Variants in TNC observed in about 807,000 individuals in gnomAD.
TNC encodes the protein tenascin.
A neutral mutation model predicts 202.4 loss-of-function variants in TNC; 109 were observed. The observed-to-expected ratio is 0.54, with a 90% CI of 0.46 to 0.63. The LOEUF (loss-of-function observed/expected upper bound fraction) is 0.63. Among genes scored for constraint, TNC ranks in the 30% least tolerant of loss-of-function variants. The pLI is 0.00. For synonymous variants in TNC, 1,007 were observed against 1,089.7 expected (o/e 0.92, Z 1.50); for missense variants, 2,756 against 2,833.3 (o/e 0.97, Z 0.62).
At chr9:115,036,895 C>A (rs1194671257) in intron 20 of TNC, among the ~76,000 whole-genome samples, 2 of 152,164 alleles carry the variant, frequency 1.3e-5, no homozygotes, top group Admixed American at 6.5e-5. Flanking sequence ...AAAACTGAGA[C>A]AGTACCAGGC....
chr9:115,062,633 CTATA>C (rs963514714), intron 13 of TNC, among the ~76,000 whole-genome samples: 1 of 149,226 alleles, frequency 6.7e-6, no homozygotes, highest in African/African-American at 2.5e-5. Flanking sequence ...AAGTATATAT[CTATA>C]TATACACACA....
chr9:115,071,340 T>G (rs750632765), intron 10 of TNC, among the ~76,000 whole-genome samples: 1 of 152,248 alleles, frequency 6.6e-6, no homozygotes, highest in Non-Finnish European at 1.5e-5. Context: ...CACTGAAGAA[T>G]GTCTTTAAAT....
chr9:115,090,411 A>G, intron 2 of TNC, 151 bp downstream of exon 2: 1 of 612,344 alleles, frequency 1.6e-6, no homozygotes, highest in Non-Finnish European at 2.8e-6. Context: ...CAGTCTCCAC[A>G]CTTATTTGAA....
At chr9:115,034,553 AGAT>A (rs1399537037) in intron 22 of TNC, among the ~76,000 whole-genome samples, 5 of 152,348 alleles carry the variant, frequency 3.3e-5, no homozygotes, top group Non-Finnish European at 5.9e-5. Flanking sequence ...AGAGATAAAG[AGAT>A]GATGATATAG....
chr9:115,077,926 A>AG lies in TNC; in HGVS notation c.2674+16dup, dbSNP rs768841167. The AG allele has an allele frequency of 1.6e-5, 25 of 1,610,076 alleles. No individual in the cohort carries two copies. In the South Asian group the frequency reaches 2.8e-4, roughly 18 times the overall value. On this transcript the variant is annotated intron_variant, in intron 7 of 27. Coordinates refer to ENST00000350763, the MANE Select transcript of TNC (RefSeq NM_002160.4). ...TCTTTCCTTTACTATATCTGTTAACAGGGGGAGGCCTTTTACCTGTTGTGA... is the reference window on the plus strand; with the variant it reads ...TCTTTCCTTTACTATATCTGTTAACAGGGGGGAGGCCTTTTACCTGTTGTGA...
chr9:115,038,416 T>C (rs1379805824), intron 19 of TNC, 36 bp from the exon 20 acceptor site: 3 of 1,609,940 alleles, frequency 1.9e-6, no homozygotes, highest in African/African-American at 2.7e-5. Flanking sequence ...GGGAAGTCAT[T>C]GGGTGGGACA....
intron 2 of TNC, among the ~76,000 whole-genome samples, chr9:115,087,525 GGGGTGT>G (rs1387023943): frequency 2.3e-5 from 2 of 88,568 alleles, no homozygotes; most frequent in Non-Finnish European, 2.3e-5. Context: ...ATTATGCATA[GGGGTGT>G]GTGTGTGTGT....
chr9:115,023,866 G>C, intron 27 of TNC, 107 bp downstream of exon 27: 1 of 1,301,704 alleles, frequency 7.7e-7, no homozygotes, highest in Non-Finnish European at 1.1e-6. Flanking sequence ...TACAAGTAAG[G>C]TTCCTGCCTC....
intron 7 of TNC, 141 bp from the exon 8 acceptor site, chr9:115,076,716 A>G: frequency 1.1e-6 from 1 of 940,642 alleles, no homozygotes; most frequent in Non-Finnish European, 1.6e-6. Flanking sequence ...CTGTCCCCAT[A>G]GTGGATGTGC....
intron 10 of TNC, among the ~76,000 whole-genome samples, chr9:115,071,059 T>C (rs1833430321): frequency 6.6e-6 from 1 of 152,236 alleles, no homozygotes. Flanking sequence ...TCTCAGTGTC[T>C]GTTTGTTCGC....
At position 115,048,461 on chromosome 9, in the gene TNC, C is replaced by T; in HGVS notation, c.4651G>A (p.Ala1551Thr). ...AAGCTGTCAAAGGCATTCTCCGATGCCATCCAGGAAACTGTGAACCCGTAG... is the reference window on the plus strand; with the variant it reads ...AAGCTGTCAAAGGCATTCTCCGATGTCATCCAGGAAACTGTGAACCCGTAG... Reference protein sequence around the residue: ...NPYGFTVSWMASENAFDSFLV... With the variant: ...NPYGFTVSWMTSENAFDSFLV... The change falls in exon 16 of 28, where the codon GCA becomes ACA. Residue 1551 changes from alanine to threonine, a missense_variant. By Grantham distance (58) the Ala-to-Thr change is moderately conservative (BLOSUM62 0). Transcript: ENST00000350763. 1 of 1,613,986 alleles carries T rather than the reference C, an allele frequency of 6.2e-7. No individual in the cohort carries two copies. The highest frequency in any genetic ancestry group is 8.5e-7 in the Non-Finnish European group (1 of 1,179,944).
At chr9:115,065,766 G>A (rs1440420310) in intron 10 of TNC, among the ~76,000 whole-genome samples, 1 of 151,850 alleles carries the variant, frequency 6.6e-6, no homozygotes, top group Non-Finnish European at 1.5e-5. Flanking sequence ...GCTGGGTGTG[G>A]TGGCGTGAGC....
chr9:115,034,755 C>A (rs1489485321), intron 22 of TNC, among the ~76,000 whole-genome samples: 1 of 152,082 alleles, frequency 6.6e-6, no homozygotes, highest in South Asian at 2.1e-4. Context: ...AAAGAAAATT[C>A]TTGGGTAGCG....
chr9:115,059,886 C>A lies in TNC; in HGVS notation c.4150G>T (p.Val1384Phe). ...TTCTGGGCTGCCTCCACTTTGTTGA[C>A]CTCCTGCACCTGAATGACAAAGTGC... ...YEHFVIQVQEVNKVEAAQNLT... is the reference protein window; with the variant it reads ...YEHFVIQVQEFNKVEAAQNLT... Residue 1384 changes from valine (V) to phenylalanine (F), a missense_variant, in exon 14 of 28, where the codon GTC (valine) becomes TTC (phenylalanine). By Grantham distance (50) the Val-to-Phe change is conservative. This residue lies in a region of TNC where 2,559 missense variants were observed against 2,546.0 expected (regional missense o/e 1.01). Transcript: ENST00000350763. 5.0e-6 allele frequency: 8 copies of A among 1,614,124 alleles called. No homozygotes were observed. The highest frequency in any genetic ancestry group is 6.8e-6 in the Non-Finnish European group (8 of 1,180,012).
At chr9:115,051,091 A>G (rs966896407) in intron 15 of TNC, among the ~76,000 whole-genome samples, 1 of 152,182 alleles carries the variant, frequency 6.6e-6, no homozygotes, top group Non-Finnish European at 1.5e-5. Context: ...AAAGGAAGAG[A>G]CTTCTAAATA....
chr9:115,067,371 C>G (rs981311177), intron 10 of TNC, among the ~76,000 whole-genome samples: 5 of 152,226 alleles, frequency 3.3e-5, no homozygotes, highest in African/African-American at 1.2e-4. Context: ...GTCCACCTGT[C>G]AGGAACTAAT....
rs750149209 is a variant in TNC at position 115,063,986 on chromosome 9, C to T, written c.3570G>A (p.Gly1190=). 4.3e-6 allele frequency: 7 copies of T among 1,613,862 alleles called. No individual in the cohort carries two copies. Among genetic ancestry groups the T allele is most frequent in the Non-Finnish European group, 5.1e-6 (6 of 1,179,890 alleles). The change falls in exon 12 of 28, where the codon GGG becomes GGA. Residue 1190 remains glycine, a synonymous_variant. Coordinates refer to ENST00000350763, the MANE Select transcript of TNC (RefSeq NM_002160.4). ...ALKLNWTAPE[G]AYEYFFIQVQ... is the part of the protein sequence containing the mutation. ...CCTGAATGAAAAAGTACTCATAGGC[C>T]CCTTCTGGAGCAGTCCAGTTGAGTT...
At chr9:115,076,862 A>G (rs1267724782) in intron 7 of TNC, among the ~76,000 whole-genome samples, 1 of 152,174 alleles carries the variant, frequency 6.6e-6, no homozygotes, top group Non-Finnish European at 1.5e-5. Context: ...CATGAGTGTA[A>G]AAACTGGTCT....
In TNC at chr9:115,048,378, T is replaced by C. The variant is rs1387624014; in HGVS notation, c.4734A>G (p.Ser1578=). 3 of 1,614,076 alleles carry C rather than the reference T, an allele frequency of 1.9e-6. No individual in the cohort carries two copies. The South Asian group carries it at 3.3e-5, about 18-fold the overall frequency. The change falls in exon 16 of 28, where the codon TCA becomes TCG. Residue 1578 remains serine, a synonymous_variant. Transcript: ENST00000350763. ...TAAGCTCCAGCTTCCTCTGGGTTCC[T>C]GAAAGTGTGAATTCCTGGGGGTCCA... The part of the protein sequence containing the change: ...KLLDPQEFTL[S]GTQRKLELRG...
Sources: allele counts gnomAD v4.1 joint callset (sites outside exome capture counted in the v4.1 genomes callset), GRCh38; gene constraint gnomAD v4.1.1; regional missense constraint gnomAD v4.1.1; transcripts MANE v1.5; gene names NCBI Gene and HGNC (gene_info 2026-07-23, HGNC 2026-07-21).